Variants in CMKLR1 observed in about 807,000 individuals in gnomAD.
CMKLR1 encodes chemerin-like receptor 1.
CMKLR1 carries 6 observed loss-of-function variants against 8.2 expected under a neutral mutation model. The ratio of observed to expected loss-of-function variants is 0.73; its 90% confidence interval spans 0.40 to 1.44. The LOEUF (loss-of-function observed/expected upper bound fraction) is 1.44, where lower values mean the gene tolerates loss of function less well. CMKLR1 is among the 40% of genes most tolerant of loss of function. CMKLR1 has a pLI of 0.02. For synonymous variants in CMKLR1, 178 were observed against 181.2 expected, an observed-to-expected ratio of 0.98 and a Z score of 0.14; for missense variants, 429 against 478.0, an observed-to-expected ratio of 0.90 and a Z score of 0.96.
intron 2 of CMKLR1, among the ~76,000 whole-genome samples, chr12:108,323,309 C>T (rs1330759411): frequency 6.6e-6 from 1 of 152,034 alleles, no homozygotes; most frequent in Non-Finnish European, 1.5e-5. Flanking sequence ...TTATGAAATG[C>T]TTACCTTGCT....
Position 108,309,983 on chromosome 12 carries a change from T to C in CMKLR1, c.-73-16319A>G, listed in dbSNP as rs145210671. On this transcript the variant is annotated intron_variant, in intron 2 of 3. Coordinates refer to ENST00000550402, the MANE Select transcript of CMKLR1 (RefSeq NM_001142343.2). ...CTGCCTGGCCCTGTTGGTCACTGAG[T>C]GTGTGGCCCTGGCTCTGCACAAAGT... Among the ~76,000 whole-genome samples the C allele has an allele frequency of 2.0e-3, 297 of 152,060 alleles. 2 individuals are homozygous for C. Among genetic ancestry groups the C allele is most frequent in the Middle Eastern group, 0.01 (3 of 292 alleles).
intron 2 of CMKLR1, 82 bp from the exon 3 acceptor site, chr12:108,293,746 T>A (rs1281774756): frequency 2.8e-6 from 2 of 724,546 alleles, no homozygotes; most frequent in Admixed American, 2.8e-5. Context: ...CAGCCAGAAA[T>A]AAGATCTGTT....
At chr12:108,305,844 C>T (rs759695505) in intron 2 of CMKLR1, among the ~76,000 whole-genome samples, 2 of 152,148 alleles carry the variant, frequency 1.3e-5, no homozygotes, top group African/African-American at 2.4e-5. Flanking sequence ...TTGGAAGGGG[C>T]CACGACGGAG....
At chr12:108,336,899 T>C (rs1205227885) in intron 1 of CMKLR1, among the ~76,000 whole-genome samples, 3 of 152,346 alleles carry the variant, frequency 2.0e-5, no homozygotes, top group East Asian at 1.9e-4. Flanking sequence ...ACTTGTATGA[T>C]CTCATTTACT....
In CMKLR1 at chr12:108,289,899, A is replaced by T. The variant is rs1391970233; in HGVS notation, c.*1942T>A. 6.6e-6 allele frequency: 1 copy of T among 152,290 alleles called. No individual in the cohort carries two copies. The highest frequency in any genetic ancestry group is 1.5e-5 in the Non-Finnish European group (1 of 68,066). The allele number at this position is 152,290 out of a possible 1,614,324, so 9.4% of individuals were successfully genotyped here. On this transcript the variant is annotated 3_prime_UTR_variant, in exon 4 of 4. Coordinates refer to ENST00000550402, the MANE Select transcript of CMKLR1 (RefSeq NM_001142343.2). ...TCGCCCAGCGCGGGGTAGACATTGC[A>T]TCTGTTCATTGCATCTTGTTGGAGA...
intron 2 of CMKLR1, among the ~76,000 whole-genome samples, chr12:108,326,799 C>T (rs10778623): frequency 0.4 from 61,428 of 151,980 alleles, 12,773 homozygotes; most frequent in Middle Eastern, 0.48. Context: ...TTTCAGAAAG[C>T]ATTTCCCAAG....
At chr12:108,307,402 G>A (rs1241927627) in intron 2 of CMKLR1, among the ~76,000 whole-genome samples, 1 of 152,124 alleles carries the variant, frequency 6.6e-6, no homozygotes, top group African/African-American at 2.4e-5. Flanking sequence ...TTACAACCAG[G>A]TCAGCACAGC....
chr12:108,294,948 A>G (rs1252119563), intron 2 of CMKLR1, among the ~76,000 whole-genome samples: 1 of 152,268 alleles, frequency 6.6e-6, no homozygotes, highest in East Asian at 1.9e-4. Context: ...AGCCACTTGG[A>G]AAATTCCATT....
chr12:108,325,369 A>G (rs1357997841), intron 2 of CMKLR1, among the ~76,000 whole-genome samples: 1 of 152,186 alleles, frequency 6.6e-6, no homozygotes, highest in East Asian at 1.9e-4. Context: ...GGCTGGGGAT[A>G]TGGGTTGCTG....
At chr12:108,308,804 C>T (rs1337105704) in intron 2 of CMKLR1, among the ~76,000 whole-genome samples, 2 of 152,168 alleles carry the variant, frequency 1.3e-5, no homozygotes, top group African/African-American at 4.8e-5. Flanking sequence ...CTCCTGTTTC[C>T]CTTCCTCCAT....
chr12:108,329,149 T>C (rs1482364201), intron 2 of CMKLR1, among the ~76,000 whole-genome samples: 1 of 152,202 alleles, frequency 6.6e-6, no homozygotes, highest in East Asian at 1.9e-4. Context: ...ATGTTCAAAT[T>C]TAATCAACTG....
chr12:108,308,650 T>C (rs1033123495), intron 2 of CMKLR1, among the ~76,000 whole-genome samples: 2 of 152,110 alleles, frequency 1.3e-5, no homozygotes, highest in Non-Finnish European at 2.9e-5. Flanking sequence ...GAGGTTCTAT[T>C]AGAGGGTGAG....
rs190764820 is a variant in CMKLR1 at position 108,302,676 on chromosome 12, G to A, written c.-73-9012C>T. On this transcript the variant is annotated intron_variant, in intron 2 of 3. Coordinates refer to ENST00000550402, the MANE Select transcript of CMKLR1 (RefSeq NM_001142343.2). ...CCCAGCCTCAGGTCAGTTCAACAAA[G>A]AGCCACACAGGTGCTGGCTATCAGG... Among the ~76,000 whole-genome samples, 6 of 152,282 alleles carry A rather than the reference G, an allele frequency of 3.9e-5. 1 individual carries two copies. Among genetic ancestry groups the A allele is most frequent in the South Asian group, 2.1e-4 (1 of 4,818 alleles).
rs564862863 is a variant in CMKLR1 at position 108,320,320 on chromosome 12, G to A, written c.-74+9675C>T. 2.4e-4 allele frequency among the ~76,000 whole-genome samples: 37 copies of A among 152,212 alleles called. No individual in the cohort carries two copies. In the South Asian group the frequency reaches 7.0e-3, roughly 29 times the overall value. On this transcript the variant is annotated intron_variant, in intron 2 of 3. Transcript: ENST00000550402. ...GTGTCTCTAAAATCCCAAAGGGGTG[G>A]CATGACTAGGGGACGAAGCCCTGAG...
intron 1 of CMKLR1, among the ~76,000 whole-genome samples, chr12:108,333,111 A>C (rs992437207): frequency 2.0e-5 from 3 of 152,142 alleles, no homozygotes; most frequent in African/African-American, 7.2e-5. Context: ...CCTGATTTCC[A>C]GGAGGAAAAA....
In CMKLR1 at chr12:108,292,639, C is replaced by T; in HGVS notation, c.324G>A (p.Gly108=). The change falls in exon 4 of 4, where the codon GGG becomes GGA. Residue 108 remains glycine, a synonymous_variant. Coordinates refer to ENST00000550402, the MANE Select transcript of CMKLR1 (RefSeq NM_001142343.2). ...YAAMDYHWVF[G]TAMCKISNFL... ...AGTTGCTGATCTTGCACATGGCTGT[C>T]CCGAAAACCCAGTGGTAGTCCATGG... 1 of 1,614,124 alleles carries T rather than the reference C, an allele frequency of 6.2e-7. No homozygotes were observed. The highest frequency in any genetic ancestry group is 8.5e-7 in the Non-Finnish European group (1 of 1,180,036).
chr12:108,294,667 T>A (rs1593157404), intron 2 of CMKLR1, among the ~76,000 whole-genome samples: 2 of 152,304 alleles, frequency 1.3e-5, no homozygotes, highest in East Asian at 3.9e-4. Flanking sequence ...TACTAGTGAT[T>A]GCATTATTGC....
intron 2 of CMKLR1, among the ~76,000 whole-genome samples, chr12:108,298,041 T>G (rs1891180704): frequency 6.6e-6 from 1 of 152,192 alleles, no homozygotes; most frequent in African/African-American, 2.4e-5. Flanking sequence ...ACAATGTTGC[T>G]TCTCTTGAGG....
intron 2 of CMKLR1, among the ~76,000 whole-genome samples, chr12:108,310,382 G>A (rs575488950): frequency 1.0e-3 from 156 of 152,264 alleles, no homozygotes; most frequent in Non-Finnish European, 1.8e-3. Flanking sequence ...TGGGCACTGC[G>A]TTGGAAGAGG....
Sources: gnomAD v4.1 joint callset for allele counts (sites outside exome capture counted in the v4.1 genomes callset) on GRCh38, gnomAD v4.1.1 for gene constraint, MANE v1.5 for transcripts, NCBI Gene and HGNC (gene_info 2026-07-23, HGNC 2026-07-21) for gene names.